CDH18: variants seen among roughly 807,000 people sequenced by gnomAD.
The protein encoded by CDH18 is cadherin-18.
Under a neutral mutation model 67.9 loss-of-function variants are expected in CDH18, and 31 were observed. The ratio of observed to expected loss-of-function variants is 0.46; its 90% CI spans 0.34 to 0.62. The LOEUF (loss-of-function observed/expected upper bound fraction) is 0.62. CDH18 is among the 20% of genes least tolerant of loss of function. The pLI, the probability that CDH18 is intolerant of heterozygous loss-of-function variation, is 0.01. For synonymous variants in CDH18, 362 were observed against 347.2 expected (o/e 1.04, Z -0.48); for missense variants, 890 against 975.5 (o/e 0.91, Z 1.17).
chr5:20,486,600 G>A (rs578246057), intron 1 of CDH18, among the ~76,000 whole-genome samples: 2 of 151,056 alleles, frequency 1.3e-5, no homozygotes, highest in South Asian at 4.2e-4. Context: ...TTTTTGATGA[G>A]TCATAAGCAT....
upstream of CDH18, among the ~76,000 whole-genome samples, chr5:19,990,097 A>G (rs1799896506): frequency 6.6e-6 from 1 of 152,172 alleles, no homozygotes; most frequent in African/African-American, 2.4e-5. Flanking sequence ...TTATTGAAAG[A>G]GGTATGAGAG....
At chr5:20,262,818 T>G (rs1009173177) in intron 1 of CDH18, among the ~76,000 whole-genome samples, 4 of 151,990 alleles carry the variant, frequency 2.6e-5, no homozygotes, top group African/African-American at 9.7e-5. Flanking sequence ...TTAATTGATT[T>G]GAGAAACACT....
intron 2 of CDH18, among the ~76,000 whole-genome samples, chr5:20,136,845 T>A (rs186238784): frequency 1.3e-5 from 2 of 152,332 alleles, no homozygotes; most frequent in Non-Finnish European, 1.5e-5. Flanking sequence ...CCTTCACTTA[T>A]GAAGCTTAGT....
intron 8 of CDH18, among the ~76,000 whole-genome samples, chr5:19,546,544 A>C (rs1736343973): frequency 6.6e-6 from 1 of 152,212 alleles, no homozygotes; most frequent in Admixed American, 6.5e-5. Flanking sequence ...GAAAAGATGA[A>C]AAGCTGGGTA....
intron 1 of CDH18, among the ~76,000 whole-genome samples, chr5:20,427,220 C>T (rs1260211472): frequency 6.6e-6 from 1 of 151,000 alleles, no homozygotes; most frequent in Non-Finnish European, 1.5e-5. Flanking sequence ...TAACTAAATA[C>T]AATCCTAAAT....
chr5:19,723,012 C>T (rs977748131), intron 4 of CDH18, among the ~76,000 whole-genome samples: 9 of 152,092 alleles, frequency 5.9e-5, no homozygotes, highest in African/African-American at 1.9e-4. Context: ...TAGGGGATCA[C>T]CTGAGGTCAG....
intron 7 of CDH18, among the ~76,000 whole-genome samples, chr5:19,588,122 T>C (rs1213061299): frequency 1.3e-5 from 2 of 152,134 alleles, no homozygotes; most frequent in Non-Finnish European, 2.9e-5. Flanking sequence ...CTGGTGATTT[T>C]TGCATATTGA....
chr5:19,885,868 A>T (rs2150069413), intron 2 of CDH18, among the ~76,000 whole-genome samples: 1 of 152,240 alleles, frequency 6.6e-6, no homozygotes, highest in Admixed American at 6.5e-5. Context: ...TGTGTTTACA[A>T]TTTCTTAGTT....
intron 2 of CDH18, among the ~76,000 whole-genome samples, chr5:19,912,174 CAATAAT>C (rs917750170): frequency 7.4e-6 from 1 of 134,588 alleles, no homozygotes; most frequent in Non-Finnish European, 1.7e-5. Context: ...TAGCTATTAA[CAATAAT>C]AATAAAAAAA....
chr5:19,828,730 A>T (rs1469048195), intron 3 of CDH18, among the ~76,000 whole-genome samples: 1 of 152,176 alleles, frequency 6.6e-6, no homozygotes, highest in Non-Finnish European at 1.5e-5. Context: ...GCACTGAAGG[A>T]ACTTACTTCA....
At chr5:19,999,859 C>T (rs1268705957) in intron 2 of CDH18, among the ~76,000 whole-genome samples, 2 of 152,186 alleles carry the variant, frequency 1.3e-5, no homozygotes, top group African/African-American at 4.8e-5. Context: ...AGCAGCCCTA[C>T]TCGTCACTTC....
chr5:20,471,520 G>A (rs1231291440), intron 1 of CDH18, among the ~76,000 whole-genome samples: 2 of 151,932 alleles, frequency 1.3e-5, no homozygotes, highest in African/African-American at 2.4e-5. Flanking sequence ...TTTACAAAGC[G>A]GCAGGGCACG....
intron 4 of CDH18, among the ~76,000 whole-genome samples, chr5:19,738,741 G>C (rs141205974): frequency 6.6e-6 from 1 of 152,316 alleles, no homozygotes; most frequent in East Asian, 1.9e-4. Context: ...CCAATGGGCA[G>C]AGGGTGGGAA....
chr5:20,400,942 A>C (rs1380743235), intron 1 of CDH18, among the ~76,000 whole-genome samples: 2 of 152,224 alleles, frequency 1.3e-5, no homozygotes, highest in African/African-American at 4.8e-5. Context: ...CATAGTGCCC[A>C]TTCAGACACC....
intron 2 of CDH18, among the ~76,000 whole-genome samples, chr5:20,005,830 A>C (rs1736856888): frequency 1.3e-5 from 2 of 152,002 alleles, no homozygotes; most frequent in South Asian, 4.1e-4. Context: ...TCTTCAGTAA[A>C]GATGTCTAAA....
chr5:20,408,319 G>A (rs1354775451), intron 1 of CDH18, among the ~76,000 whole-genome samples: 2 of 152,026 alleles, frequency 1.3e-5, no homozygotes, highest in African/African-American at 2.4e-5. Flanking sequence ...AGCCTACCAA[G>A]TATAAAACTC....
chr5:19,996,979 G>A (rs1736069645), intron 2 of CDH18, among the ~76,000 whole-genome samples: 1 of 151,866 alleles, frequency 6.6e-6, no homozygotes, highest in Non-Finnish European at 1.5e-5. Flanking sequence ...TTTGTAGAGG[G>A]ATATAAAGAA....
At chr5:20,070,587 T>C (rs563981173) in intron 2 of CDH18, among the ~76,000 whole-genome samples, 1 of 152,246 alleles carries the variant, frequency 6.6e-6, no homozygotes, top group African/African-American at 2.4e-5. Flanking sequence ...TATTGCCAAA[T>C]TATTTGATGT....
intron 5 of CDH18, among the ~76,000 whole-genome samples, chr5:19,683,969 A>G (rs1760703960): frequency 6.6e-6 from 1 of 152,180 alleles, no homozygotes; most frequent in Non-Finnish European, 1.5e-5. Flanking sequence ...GAACTGGCAC[A>G]TAATGAATGA....
Sources: allele counts gnomAD v4.1 joint callset (sites outside exome capture counted in the v4.1 genomes callset), GRCh38; gene constraint gnomAD v4.1.1; transcripts MANE v1.5; gene names NCBI Gene and HGNC (gene_info 2026-07-23, HGNC 2026-07-21).